Variants in CSTF3 observed in about 807,000 individuals in gnomAD.
CSTF3 encodes cleavage stimulation factor subunit 3.
In CSTF3, 29 loss-of-function variants were observed where a neutral mutation model predicts 105.8. The observed-to-expected ratio is 0.27, with a 90% CI of 0.20 to 0.37. CSTF3 has a LOEUF of 0.37. Ranked by LOEUF, CSTF3 falls within the 10% of genes least tolerant of loss-of-function variation. CSTF3 has a pLI of 1.00. For missense variants in CSTF3, 357 were observed against 879.3 expected, an observed-to-expected ratio of 0.41 and a Z score of 7.51; for synonymous variants, 252 against 281.9, an observed-to-expected ratio of 0.89 and a Z score of 1.06.
rs114536829 is a variant in CSTF3, at chr11:33,104,878, T to C, written c.585+689A>G. On this transcript the variant is annotated intron_variant, in intron 8 of 20. Coordinates refer to ENST00000323959, the MANE Select transcript of CSTF3 (RefSeq NM_001326.3). Reference sequence around the variant, plus strand: ...GTGAGGGAACAATTTCACTACCCTATATAGTTCTTCCAAATCACAATATAC... The same window carrying C: ...GTGAGGGAACAATTTCACTACCCTACATAGTTCTTCCAAATCACAATATAC... Among the ~76,000 whole-genome samples, 1,351 of 152,330 alleles carry C rather than the reference T, an allele frequency of 8.9e-3. 19 individuals are homozygous for C. The highest frequency in any genetic ancestry group is 0.03 in the African/African-American group (1,262 of 41,578).
chr11:33,095,592 C>T (rs904259132), intron 15 of CSTF3, among the ~76,000 whole-genome samples: 4 of 151,686 alleles, frequency 2.6e-5, no homozygotes, highest in Admixed American at 6.6e-5. Flanking sequence ...GAGGCCGAGG[C>T]GGGCGGATCA....
intron 3 of CSTF3, among the ~76,000 whole-genome samples, chr11:33,132,880 T>C (rs1855613905): frequency 6.6e-6 from 1 of 152,116 alleles, no homozygotes; most frequent in African/African-American, 2.4e-5. Context: ...TAAAATAATT[T>C]GCCATTTGGT....
At chr11:33,152,082 T>C (rs778373903) in intron 1 of CSTF3, among the ~76,000 whole-genome samples, 2 of 152,026 alleles carry the variant, frequency 1.3e-5, no homozygotes, top group Non-Finnish European at 2.9e-5. Context: ...GGTGAAACCT[T>C]GTCTCTACTA....
chr11:33,134,746 T>C (rs1210043492), intron 3 of CSTF3, among the ~76,000 whole-genome samples: 1 of 152,154 alleles, frequency 6.6e-6, no homozygotes, highest in East Asian at 1.9e-4. Flanking sequence ...TTTTCATTTT[T>C]TATAAGGATA....
intron 1 of CSTF3, among the ~76,000 whole-genome samples, chr11:33,158,653 T>C (rs989571496): frequency 6.6e-6 from 1 of 152,126 alleles, no homozygotes; most frequent in Admixed American, 6.5e-5. Context: ...AACTTAACCA[T>C]CCTAACAGAA....
Position 33,085,299 on chromosome 11 carries a change from CA to C in CSTF3, c.1952-11del. 1 of 1,521,724 alleles carries C rather than the reference CA, an allele frequency of 6.6e-7. No individual in the cohort carries two copies. The highest frequency in any genetic ancestry group is 8.8e-7 in the Non-Finnish European group (1 of 1,137,448). The allele number at this position is 1,521,724 out of a possible 1,614,324, so 94.3% of individuals were successfully genotyped here. On this transcript the variant is annotated splice_polypyrimidine_tract_variant and intron_variant, in intron 20 of 20. Transcript: ENST00000323959. Reference sequence around the variant, plus strand: ...ACAGCTTCCTCAACAGCTATTAAAACAAAACAACAAAACGTAAAAACATATT... The same window carrying C: ...ACAGCTTCCTCAACAGCTATTAAAACAAACAACAAAACGTAAAAACATATT...
chr11:33,148,864 T>TTG (rs1554952822), intron 1 of CSTF3, among the ~76,000 whole-genome samples: 3 of 150,720 alleles, frequency 2.0e-5, no homozygotes, highest in South Asian at 4.2e-4. Context: ...TGCTGTGTTT[T>TTG]TTTTTTTTTT....
At chr11:33,121,277 A>G (rs1402255954) in intron 3 of CSTF3, among the ~76,000 whole-genome samples, 3 of 152,102 alleles carry the variant, frequency 2.0e-5, no homozygotes, top group Non-Finnish European at 4.4e-5. Context: ...TCTAATGGGC[A>G]TGTTCCAAAA....
Position 33,161,404 on chromosome 11 carries a change from A to G in CSTF3, c.-79T>C. Reference sequence around the variant, plus strand: ...AAAAATTAAACTAAAAACCACCCCCAAATCAGTAAAGTTACCCCCTGCCCA... The same window carrying G: ...AAAAATTAAACTAAAAACCACCCCCGAATCAGTAAAGTTACCCCCTGCCCA... On this transcript the variant is annotated 5_prime_UTR_variant, in exon 1 of 21. Coordinates refer to ENST00000323959, the MANE Select transcript of CSTF3 (RefSeq NM_001326.3). The G allele has an allele frequency of 6.6e-7, 1 of 1,525,482 alleles. No individual in the cohort carries two copies. The highest frequency in any genetic ancestry group is 1.7e-5 in the Admixed American group (1 of 59,718). The allele number at this position is 1,525,482 out of a possible 1,614,324, so 94.5% of individuals were successfully genotyped here. A position where few individuals can be genotyped will look rare whatever the true frequency, so the allele number is the denominator to read the frequency against.
In CSTF3 at chr11:33,112,376, T is replaced by C. The variant is rs147501752; in HGVS notation, c.226-3958A>G. Among the ~76,000 whole-genome samples, 411 of 152,304 alleles carry C rather than the reference T, an allele frequency of 2.7e-3. 4 individuals carry two copies. The highest frequency in any genetic ancestry group is 9.5e-3 in the African/African-American group (395 of 41,566). On this transcript the variant is annotated intron_variant, in intron 3 of 20. Transcript: ENST00000323959. ...CTTACAGTATCAGCTTTTCCACCTA[T>C]AAAATGGGAATGATAATAACATCCA...
chr11:33,151,484 C>T (rs917620440), intron 1 of CSTF3, among the ~76,000 whole-genome samples: 5 of 152,102 alleles, frequency 3.3e-5, no homozygotes, highest in African/African-American at 7.2e-5. Context: ...CCATGACTGG[C>T]GTTGTTTTGG....
chr11:33,146,289 C>T lies in CSTF3; in HGVS notation c.28-4303G>A, dbSNP rs563589088. Reference sequence around the variant, plus strand: ...CTGATCAACGTTTAATATAAATGTCCGATTCTGAATTCCACTTCTATTAAC... The same window carrying T: ...CTGATCAACGTTTAATATAAATGTCTGATTCTGAATTCCACTTCTATTAAC... On this transcript the variant is annotated intron_variant, in intron 1 of 20. Transcript: ENST00000323959. Among the ~76,000 whole-genome samples the T allele has an allele frequency of 3.9e-5, 6 of 152,000 alleles. No homozygotes were observed. The East Asian group carries it at 5.8e-4, about 15-fold the overall frequency.
chr11:33,104,208 C>A (rs917622817), intron 8 of CSTF3, among the ~76,000 whole-genome samples: 6 of 152,174 alleles, frequency 3.9e-5, no homozygotes, highest in Non-Finnish European at 7.3e-5. Context: ...TAAACATTAC[C>A]ACTCAGTGAG....
chr11:33,136,815 G>A (rs1348511110), intron 3 of CSTF3, among the ~76,000 whole-genome samples: 1 of 151,804 alleles, frequency 6.6e-6, no homozygotes, highest in Non-Finnish European at 1.5e-5. Context: ...ATAGAGTTTT[G>A]AACCAAAATT....
Position 33,110,747 on chromosome 11 carries a change from C to T in CSTF3, c.226-2329G>A, listed in dbSNP as rs182026524. Among the ~76,000 whole-genome samples the T allele has an allele frequency of 2.5e-3, 386 of 152,076 alleles. 1 individual carries two copies. Among genetic ancestry groups the T allele is most frequent in the African/African-American group, 8.7e-3 (361 of 41,502 alleles). Reference sequence around the variant, plus strand: ...AAAATAATAGATATTACTTAAAAACCATTAGAATGGCAAAAACTTACAAAG... The same window carrying T: ...AAAATAATAGATATTACTTAAAAACTATTAGAATGGCAAAAACTTACAAAG... On this transcript the variant is annotated intron_variant, in intron 3 of 20. Coordinates refer to ENST00000323959, the MANE Select transcript of CSTF3 (RefSeq NM_001326.3).
At chr11:33,151,161 T>C (rs981101066) in intron 1 of CSTF3, among the ~76,000 whole-genome samples, 1 of 152,152 alleles carries the variant, frequency 6.6e-6, no homozygotes, top group Admixed American at 6.5e-5. Flanking sequence ...ATATTTAATG[T>C]AATCATACAA....
chr11:33,112,620 T>C (rs1855390821), intron 3 of CSTF3, among the ~76,000 whole-genome samples: 1 of 152,172 alleles, frequency 6.6e-6, no homozygotes, highest in East Asian at 1.9e-4. Context: ...CATATTCAAA[T>C]GGCATTATTG....
At chr11:33,145,366 G>A (rs1855768340) in intron 1 of CSTF3, among the ~76,000 whole-genome samples, 1 of 152,060 alleles carries the variant, frequency 6.6e-6, no homozygotes, top group South Asian at 2.1e-4. Flanking sequence ...GAGCCCAGGA[G>A]GTTGAGCCAT....
intron 3 of CSTF3, among the ~76,000 whole-genome samples, chr11:33,130,620 C>T (rs1234707576): frequency 6.6e-6 from 1 of 152,126 alleles, no homozygotes; most frequent in Non-Finnish European, 1.5e-5. Flanking sequence ...TACCTAAATC[C>T]TTAGTTTTGG....
Sources: allele counts gnomAD v4.1 joint callset (sites outside exome capture counted in the v4.1 genomes callset), GRCh38; gene constraint gnomAD v4.1.1; transcripts MANE v1.5; gene names NCBI Gene and HGNC (gene_info 2026-07-23, HGNC 2026-07-21).